HMBOX1: variants seen among roughly 807,000 people sequenced by gnomAD.
HMBOX1 encodes the protein homeobox-containing protein 1.
In HMBOX1, 14 loss-of-function variants were observed where a neutral mutation model predicts 54.5. The observed-to-expected ratio is 0.26, with a 90% CI of 0.17 to 0.40. HMBOX1 has a LOEUF of 0.40. Ranked by LOEUF, HMBOX1 falls within the 10% of genes least tolerant of loss-of-function variation. The pLI, the probability that HMBOX1 is intolerant of heterozygous loss-of-function variation, is 1.00. For missense variants in HMBOX1, 332 were observed against 514.4 expected, an observed-to-expected ratio of 0.65 and a Z score of 3.43; for synonymous variants, 160 against 181.0, an observed-to-expected ratio of 0.88 and a Z score of 0.93.
At chr8:28,990,802 T>C (rs2132595929) in intron 4 of HMBOX1, among the ~76,000 whole-genome samples, 1 of 152,168 alleles carries the variant, frequency 6.6e-6, no homozygotes, top group Middle Eastern at 3.4e-3. Context: ...TACAGGTGTC[T>C]GCCACCACAC....
intron 1 of HMBOX1, among the ~76,000 whole-genome samples, chr8:28,925,584 C>T (rs1818307512): frequency 6.6e-6 from 1 of 152,008 alleles, no homozygotes; most frequent in Admixed American, 6.6e-5. Flanking sequence ...TGCAGGTAAA[C>T]CACCTTGACC....
chr8:28,897,204 C>T (rs986161891), intron 1 of HMBOX1, among the ~76,000 whole-genome samples: 10 of 151,780 alleles, frequency 6.6e-5, no homozygotes, highest in East Asian at 1.9e-4. Flanking sequence ...ATGCTGGTCT[C>T]GAATCCCCCC....
intron 9 of HMBOX1, chr8:29,050,118 C>A (rs889788402): frequency 3.1e-6 from 1 of 324,190 alleles, no homozygotes; most frequent in South Asian, 1.2e-4. Flanking sequence ...TTCAGTCTAC[C>A]CACATAGATG....
chr8:28,951,286 C>G (rs964770122), intron 1 of HMBOX1, among the ~76,000 whole-genome samples: 3 of 152,190 alleles, frequency 2.0e-5, no homozygotes, highest in African/African-American at 7.2e-5. Context: ...GCGCATGCCA[C>G]TACGCCCAGC....
chr8:28,945,736 A>G (rs747233008), intron 1 of HMBOX1, among the ~76,000 whole-genome samples: 21 of 152,134 alleles, frequency 1.4e-4, no homozygotes, highest in South Asian at 4.1e-4. Context: ...TTGGGATATG[A>G]CACAACATAA....
intron 4 of HMBOX1, among the ~76,000 whole-genome samples, chr8:28,993,537 T>C (rs1831309040): frequency 6.6e-6 from 1 of 152,194 alleles, no homozygotes; most frequent in Non-Finnish European, 1.5e-5. Flanking sequence ...CATTAAAGAA[T>C]AAAGCAGCTC....
chr8:28,930,200 G>A (rs1464019321), intron 1 of HMBOX1, among the ~76,000 whole-genome samples: 1 of 152,020 alleles, frequency 6.6e-6, no homozygotes, highest in Admixed American at 6.6e-5. Flanking sequence ...TCCCCATCTG[G>A]ACTTAAATAT....
chr8:29,026,043 TAC>T (rs35597688), intron 6 of HMBOX1, among the ~76,000 whole-genome samples: 70,187 of 143,066 alleles, frequency 0.49, 17,250 homozygotes, highest in Middle Eastern at 0.56. Flanking sequence ...TGCTACCATG[TAC>T]ACACACACAC....
chr8:29,010,297 C>A, intron 5 of HMBOX1: 1 of 351,588 alleles, frequency 2.8e-6, no homozygotes, highest in Non-Finnish European at 4.0e-6. Context: ...CAGTGGCTCA[C>A]GCCTGTAATC....
intron 4 of HMBOX1, among the ~76,000 whole-genome samples, chr8:28,982,060 ACT>A (rs1057020167): frequency 5.9e-5 from 9 of 151,892 alleles, no homozygotes; most frequent in African/African-American, 2.2e-4. Context: ...ACACGGTGAA[ACT>A]CTGTCTCTAC....
intron 1 of HMBOX1, among the ~76,000 whole-genome samples, chr8:28,907,582 T>G (rs1336988710): frequency 6.6e-6 from 1 of 152,192 alleles, no homozygotes; most frequent in African/African-American, 2.4e-5. Flanking sequence ...ATCAGTGATT[T>G]GTTATGTGCC....
At chr8:29,041,703 C>G (rs1282295952) in intron 6 of HMBOX1, among the ~76,000 whole-genome samples, 1 of 151,876 alleles carries the variant, frequency 6.6e-6, no homozygotes, top group Non-Finnish European at 1.5e-5. Context: ...AGGCAAAAAG[C>G]TGATATACTT....
At chr8:28,968,568 C>T (rs1826844251) in intron 2 of HMBOX1, among the ~76,000 whole-genome samples, 2 of 152,148 alleles carry the variant, frequency 1.3e-5, no homozygotes, top group Admixed American at 1.3e-4. Context: ...TGGGGAGTTG[C>T]TGTGAGAATT....
chr8:28,996,116 GGGGGTTATTCATCTTCT>G (rs989368971), intron 4 of HMBOX1, among the ~76,000 whole-genome samples: 2 of 151,624 alleles, frequency 1.3e-5, no homozygotes, highest in South Asian at 2.1e-4. Context: ...AAAAAAAAAA[GGGGGTTATTCATCTTCT>G]GGGGTTATTC....
At chr8:29,027,189 C>G (rs990116419) in intron 6 of HMBOX1, among the ~76,000 whole-genome samples, 2 of 152,124 alleles carry the variant, frequency 1.3e-5, no homozygotes, top group Non-Finnish European at 1.5e-5. Flanking sequence ...TAGTGTATGT[C>G]TGAAATATCT....
intron 1 of HMBOX1, among the ~76,000 whole-genome samples, chr8:28,910,817 C>T (rs1371439580): frequency 1.3e-5 from 2 of 152,112 alleles, no homozygotes; most frequent in Admixed American, 1.3e-4. Context: ...TAACCCTTGT[C>T]TTTTCTTTCT....
chr8:29,022,966 A>T (rs1466616172), intron 6 of HMBOX1, among the ~76,000 whole-genome samples: 1 of 152,198 alleles, frequency 6.6e-6, no homozygotes, highest in African/African-American at 2.4e-5. Context: ...ATTATCTCAA[A>T]TGTGTTTATA....
chr8:28,942,610 C>G (rs564749566), intron 1 of HMBOX1, among the ~76,000 whole-genome samples: 1 of 152,214 alleles, frequency 6.6e-6, no homozygotes, highest in East Asian at 1.9e-4. Context: ...CTTTCCTCCT[C>G]CTGCTGCTCC....
chr8:28,938,091 C>A (rs1820711300), intron 1 of HMBOX1, among the ~76,000 whole-genome samples: 2 of 152,106 alleles, frequency 1.3e-5, no homozygotes, highest in Admixed American at 1.3e-4. Context: ...GTATTGCAGG[C>A]CTCCTCAGTT....
Sources: allele counts gnomAD v4.1 joint callset (sites outside exome capture counted in the v4.1 genomes callset), GRCh38; gene constraint gnomAD v4.1.1; transcripts MANE v1.5; gene names NCBI Gene and HGNC (gene_info 2026-07-23, HGNC 2026-07-21).